The following TMEM163 variants were observed in gnomAD, a reference collection of about 807,000 sequenced individuals.
TMEM163 encodes transmembrane protein 163.
In TMEM163, 17 loss-of-function variants were observed where a neutral mutation model predicts 29.3. The observed-to-expected ratio is 0.58, with a 90% CI of 0.40 to 0.87. The LOEUF is 0.87. Ranked by LOEUF, TMEM163 falls within the 40% of genes least tolerant of loss-of-function variation. The pLI is 0.00. For missense variants in TMEM163, 303 were observed against 381.5 expected (o/e 0.79, Z 1.71); for synonymous variants, 157 against 160.6 (o/e 0.98, Z 0.17).
intron 2 of TMEM163, among the ~76,000 whole-genome samples, chr2:134,614,489 G>A (rs918633762): frequency 1.1e-4 from 17 of 151,908 alleles, no homozygotes; most frequent in African/African-American, 4.1e-4. Context: ...CTACAGTGAG[G>A]CCAAGAATTC....
At chr2:134,568,843 C>T (rs1363844661) in intron 2 of TMEM163, among the ~76,000 whole-genome samples, 1 of 152,102 alleles carries the variant, frequency 6.6e-6, no homozygotes. Flanking sequence ...AGAGTACGAC[C>T]ACAAAGACAT....
At chr2:134,511,896 C>G (rs899965860) in intron 4 of TMEM163, among the ~76,000 whole-genome samples, 1 of 152,194 alleles carries the variant, frequency 6.6e-6, no homozygotes, top group Non-Finnish European at 1.5e-5. Context: ...CTTGTCTATG[C>G]ATGGAATATA....
intron 2 of TMEM163, among the ~76,000 whole-genome samples, chr2:134,703,181 G>C (rs1684738868): frequency 6.6e-6 from 1 of 152,132 alleles, no homozygotes; most frequent in Admixed American, 6.6e-5. Flanking sequence ...CAGGAAACAG[G>C]GGGTCCAACA....
At chr2:134,554,145 C>T (rs1409538867) in intron 2 of TMEM163, among the ~76,000 whole-genome samples, 1 of 152,060 alleles carries the variant, frequency 6.6e-6, no homozygotes, top group Non-Finnish European at 1.5e-5. Flanking sequence ...AAAAGAAGAG[C>T]CAGGCATGGT....
intron 4 of TMEM163, among the ~76,000 whole-genome samples, chr2:134,522,555 G>A (rs934888928): frequency 6.6e-6 from 1 of 152,144 alleles, no homozygotes; most frequent in Non-Finnish European, 1.5e-5. Flanking sequence ...AAATTAGGAG[G>A]GCACATTTGT....
At chr2:134,695,565 CT>C (rs1314072582) in intron 2 of TMEM163, among the ~76,000 whole-genome samples, 1 of 151,946 alleles carries the variant, frequency 6.6e-6, no homozygotes, top group Non-Finnish European at 1.5e-5. Context: ...ATGAAACTAC[CT>C]TTTACCTGAA....
chr2:134,554,717 C>A (rs1681011050), intron 2 of TMEM163, among the ~76,000 whole-genome samples: 2 of 152,182 alleles, frequency 1.3e-5, no homozygotes, highest in South Asian at 4.2e-4. Context: ...GGTGGGGTGT[C>A]CCCGACTCAA....
At chr2:134,485,418 G>A (rs673260) in intron 5 of TMEM163, among the ~76,000 whole-genome samples, 28,504 of 152,136 alleles carry the variant, frequency 0.19, 2,920 homozygotes, top group Middle Eastern at 0.32. Context: ...CGGAACCATC[G>A]TAAGTTGGGG....
chr2:134,713,149 TA>T, intron 2 of TMEM163, 50 bp downstream of exon 2: 1 of 1,587,768 alleles, frequency 6.3e-7, no homozygotes. Context: ...AATTAGAGAA[TA>T]AAACGGGCAA....
intron 4 of TMEM163, among the ~76,000 whole-genome samples, chr2:134,524,697 T>C (rs13017778): frequency 0.21 from 32,055 of 149,974 alleles, 5,219 homozygotes; most frequent in Middle Eastern, 0.42. Context: ...AAGGACATGA[T>C]CTCATTCCTT....
intron 2 of TMEM163, among the ~76,000 whole-genome samples, chr2:134,667,544 T>C (rs765883278): frequency 2.4e-4 from 37 of 152,242 alleles, no homozygotes; most frequent in Non-Finnish European, 1.8e-4. Context: ...TGATGCCATG[T>C]GTCATTACAG....
intron 4 of TMEM163, among the ~76,000 whole-genome samples, chr2:134,525,596 CT>C (rs1004215052): frequency 7.9e-5 from 12 of 152,166 alleles, no homozygotes; most frequent in African/African-American, 2.9e-4. Context: ...AGACATTTTG[CT>C]TTTGAGAATA....
chr2:134,573,015 G>C (rs1681468276), intron 2 of TMEM163, among the ~76,000 whole-genome samples: 1 of 152,168 alleles, frequency 6.6e-6, no homozygotes, highest in African/African-American at 2.4e-5. Flanking sequence ...AAAGCTGCTG[G>C]ACTGGCTACC....
intron 2 of TMEM163, among the ~76,000 whole-genome samples, chr2:134,643,374 C>T (rs529440296): frequency 1.3e-5 from 2 of 152,124 alleles, no homozygotes; most frequent in African/African-American, 4.8e-5. Flanking sequence ...TCTCCAGGCC[C>T]AGGTAGTTTC....
intron 6 of TMEM163, among the ~76,000 whole-genome samples, chr2:134,464,185 A>C (rs2106473448): frequency 6.6e-6 from 1 of 152,310 alleles, no homozygotes; most frequent in South Asian, 2.1e-4. Flanking sequence ...GGGCGACTTT[A>C]GGAAGGACTC....
chr2:134,609,382 G>T (rs1682438454), intron 2 of TMEM163, among the ~76,000 whole-genome samples: 1 of 43,144 alleles, frequency 2.3e-5, no homozygotes, highest in Non-Finnish European at 4.7e-5. Context: ...GTGAAAAGGA[G>T]GACAGACCCC....
At chr2:134,711,576 C>T (rs1684928604) in intron 2 of TMEM163, among the ~76,000 whole-genome samples, 1 of 152,190 alleles carries the variant, frequency 6.6e-6, no homozygotes, top group Non-Finnish European at 1.5e-5. Context: ...AAGCCCTTTT[C>T]ACAAAGCAAC....
intron 2 of TMEM163, among the ~76,000 whole-genome samples, chr2:134,656,418 C>T (rs1457703230): frequency 6.6e-6 from 1 of 151,648 alleles, no homozygotes; most frequent in South Asian, 2.1e-4. Flanking sequence ...GCGCACGGTG[C>T]ACGCACCCAC....
At chr2:134,515,836 C>A (rs1680045631) in intron 4 of TMEM163, among the ~76,000 whole-genome samples, 1 of 152,198 alleles carries the variant, frequency 6.6e-6, no homozygotes, top group African/African-American at 2.4e-5. Context: ...TTCCCTTCTA[C>A]TTTTCTGTGC....
Sources: gnomAD v4.1 joint callset for allele counts (sites outside exome capture counted in the v4.1 genomes callset) on GRCh38, gnomAD v4.1.1 for gene constraint, MANE v1.5 for transcripts, NCBI Gene and HGNC (gene_info 2026-07-23, HGNC 2026-07-21) for gene names.